Variants in MCC observed in about 807,000 individuals in gnomAD.
The protein encoded by MCC is colorectal mutant cancer protein.
MCC carries 90 observed loss-of-function variants against 116.2 expected under a neutral mutation model. That is an observed-to-expected ratio of 0.77 (90% CI 0.65 to 0.92). The LOEUF is 0.92. Ranked by LOEUF, MCC falls within the 40% of genes least tolerant of loss-of-function variation. The probability of loss-of-function intolerance (pLI) is 0.00; values close to 1 mark genes in which losing one functional copy is unlikely to be tolerated. For synonymous variants in MCC, 578 were observed against 510.5 expected, an observed-to-expected ratio of 1.13 and a Z score of -1.78; for missense variants, 1,516 against 1,312.2, an observed-to-expected ratio of 1.16 and a Z score of -2.40.
At chr5:113,462,742 G>A (rs1771778196) in intron 1 of MCC, among the ~76,000 whole-genome samples, 1 of 152,170 alleles carries the variant, frequency 6.6e-6, no homozygotes, top group African/African-American at 2.4e-5. Context: ...GCAACATTTT[G>A]GGTTAATTCT....
At chr5:113,115,229 G>C (rs1047115172) in intron 6 of MCC, among the ~76,000 whole-genome samples, 2 of 152,158 alleles carry the variant, frequency 1.3e-5, no homozygotes, top group South Asian at 4.1e-4. Context: ...GCTGCAGCCT[G>C]AGTAAGCGAG....
At chr5:113,073,968 C>T (rs1484069213) in intron 11 of MCC, among the ~76,000 whole-genome samples, 3 of 152,236 alleles carry the variant, frequency 2.0e-5, no homozygotes, top group Non-Finnish European at 2.9e-5. Flanking sequence ...CATAGCTGAA[C>T]AAAAGGCAGC....
intron 1 of MCC, among the ~76,000 whole-genome samples, chr5:113,471,843 A>T (rs1772100649): frequency 6.6e-6 from 1 of 151,668 alleles, no homozygotes; most frequent in Admixed American, 6.6e-5. Flanking sequence ...TTCCTAATCA[A>T]ACAACTAACT....
In MCC at chr5:113,064,194, A is replaced by G. The variant is rs201712312; in HGVS notation, c.2030-27T>C. The G allele has an allele frequency of 5.7e-6, 9 of 1,592,582 alleles. No homozygotes were observed. The African/African-American group carries it at 1.1e-4, about 19-fold the overall frequency. Reference sequence around the variant, plus strand: ...TATGTGGCAGAGAAGCCAACGGATTAATCAACATAGGCCTGGACAAGGCAC... The same window carrying G: ...TATGTGGCAGAGAAGCCAACGGATTGATCAACATAGGCCTGGACAAGGCAC... On this transcript the variant is annotated intron_variant, in intron 13 of 18. Coordinates refer to ENST00000408903, the MANE Select transcript of MCC (RefSeq NM_001085377.2).
intron 3 of MCC, among the ~76,000 whole-genome samples, chr5:113,237,984 G>A (rs1394384002): frequency 1.3e-5 from 2 of 152,190 alleles, no homozygotes; most frequent in African/African-American, 4.8e-5. Flanking sequence ...GGGAAACAGA[G>A]GTGGAGGAAG....
intron 3 of MCC, among the ~76,000 whole-genome samples, chr5:113,332,883 A>C (rs1015068233): frequency 2.6e-5 from 4 of 151,688 alleles, no homozygotes; most frequent in Non-Finnish European, 4.4e-5. Flanking sequence ...AGGATCTAAT[A>C]CGACTTTGAA....
chr5:113,229,452 G>T (rs77442605), intron 3 of MCC, among the ~76,000 whole-genome samples: 1 of 152,138 alleles, frequency 6.6e-6, no homozygotes, highest in African/African-American at 2.4e-5. Flanking sequence ...CAATTAACAC[G>T]CAAATGGAGG....
At chr5:113,385,923 G>C (rs77704521) in intron 1 of MCC, among the ~76,000 whole-genome samples, 3 of 152,078 alleles carry the variant, frequency 2.0e-5, no homozygotes, top group African/African-American at 7.2e-5. Context: ...GGCTGGACTA[G>C]AGAAGTGTAT....
intron 1 of MCC, among the ~76,000 whole-genome samples, chr5:113,408,071 T>C (rs756368300): frequency 5.3e-4 from 81 of 152,150 alleles, no homozygotes; most frequent in Non-Finnish European, 9.0e-4. Flanking sequence ...CACAATCTCC[T>C]GATATAACCC....
chr5:113,244,194 T>C (rs1001614871), intron 3 of MCC, among the ~76,000 whole-genome samples: 8 of 152,196 alleles, frequency 5.3e-5, no homozygotes, highest in Admixed American at 2.0e-4. Flanking sequence ...CACCCCCAAA[T>C]AGCATATGTA....
intron 1 of MCC, among the ~76,000 whole-genome samples, chr5:113,422,916 A>C (rs1307943077): frequency 1.3e-5 from 2 of 152,334 alleles, no homozygotes; most frequent in South Asian, 2.1e-4. Context: ...ATAAAAAAGC[A>C]CAAAACTACA....
intron 5 of MCC, among the ~76,000 whole-genome samples, chr5:113,128,193 C>G (rs972416978): frequency 6.6e-6 from 1 of 152,204 alleles, no homozygotes; most frequent in Non-Finnish European, 1.5e-5. Context: ...CATTATCTAT[C>G]TCATTTTGGG....
At chr5:113,144,280 C>T (rs1759359410) in intron 4 of MCC, among the ~76,000 whole-genome samples, 1 of 152,232 alleles carries the variant, frequency 6.6e-6, no homozygotes, top group African/African-American at 2.4e-5. Flanking sequence ...TGCTCTCAAT[C>T]CCTTCCAGTC....
chr5:113,424,186 T>C (rs1055748251), intron 1 of MCC, among the ~76,000 whole-genome samples: 24 of 72,270 alleles, frequency 3.3e-4, no homozygotes, highest in Admixed American at 4.9e-4. Flanking sequence ...CACACACACA[T>C]TCTAATCAGC....
At chr5:113,298,886 G>C (rs1766778926) in intron 3 of MCC, among the ~76,000 whole-genome samples, 1 of 152,184 alleles carries the variant, frequency 6.6e-6, no homozygotes, top group South Asian at 2.1e-4. Flanking sequence ...CTCAAGGAAA[G>C]TTAGACAGAG....
chr5:113,043,610 G>A lies in MCC; in HGVS notation c.2676C>T (p.Ser892=), dbSNP rs991882114. The A allele has an allele frequency of 6.2e-7, 1 of 1,613,994 alleles. No homozygotes were observed. Among genetic ancestry groups the A allele is most frequent in the Non-Finnish European group, 8.5e-7 (1 of 1,179,874 alleles). Residue 892 remains serine, a synonymous_variant, in exon 17 of 19, where the codon TCC becomes TCT. Transcript: ENST00000408903. ...TGAGTTCGGCTAGGGACAGAGCTGGGGAGGCAGCATCAGCACACTCCTGAC... is the reference window on the plus strand; with the variant it reads ...TGAGTTCGGCTAGGGACAGAGCTGGAGAGGCAGCATCAGCACACTCCTGAC... The part of the protein sequence containing the change: ...KPGKECADAA[S]PALSLAELRT...
intron 4 of MCC, among the ~76,000 whole-genome samples, chr5:113,146,330 A>C (rs2150288296): frequency 6.6e-6 from 1 of 151,164 alleles, no homozygotes; most frequent in Non-Finnish European, 1.5e-5. Flanking sequence ...TTTTGCCATC[A>C]AGGCACTGAA....
intron 3 of MCC, among the ~76,000 whole-genome samples, chr5:113,237,633 G>A (rs929320548): frequency 1.3e-5 from 2 of 152,156 alleles, no homozygotes; most frequent in Non-Finnish European, 2.9e-5. Context: ...CGGGCCGGCT[G>A]TATTTTAGAG....
intron 3 of MCC, among the ~76,000 whole-genome samples, chr5:113,251,551 G>T (rs114777371): frequency 0.011 from 1,706 of 152,220 alleles, 31 homozygotes; most frequent in African/African-American, 0.039. Context: ...CTGGACTGAG[G>T]GATAGGGGCT....
Sources: gnomAD v4.1 joint callset for allele counts (sites outside exome capture counted in the v4.1 genomes callset) on GRCh38, gnomAD v4.1.1 for gene constraint, MANE v1.5 for transcripts, NCBI Gene and HGNC (gene_info 2026-07-23, HGNC 2026-07-21) for gene names.